ARHGAP6: variants seen among roughly 807,000 people sequenced by gnomAD.
ARHGAP6 encodes the protein rho GTPase-activating protein 6.
Under a neutral mutation model 55.7 loss-of-function variants are expected in ARHGAP6, and 16 were observed. The ratio of observed to expected loss-of-function variants is 0.29; its 90% CI spans 0.19 to 0.44. The LOEUF is 0.44. ARHGAP6 is among the 20% of genes least tolerant of loss of function. ARHGAP6 has a pLI of 1.00. For synonymous variants in ARHGAP6, 382 were observed against 360.9 expected, an observed-to-expected ratio of 1.06 and a Z score of -0.66; for missense variants, 698 against 808.9, an observed-to-expected ratio of 0.86 and a Z score of 1.66.
At chrX:11,176,315 A>ATATATG (rs1362819799) in intron 8 of ARHGAP6, among the ~76,000 whole-genome samples, 1 of 34,197 alleles carries the variant, frequency 2.9e-5, no homozygotes, top group African/African-American at 2.1e-4. Context: ...ATATATATAT[A>ATATATG]TATATATATA....
At chrX:11,502,961 T>C (rs2050695542) in intron 1 of ARHGAP6, among the ~76,000 whole-genome samples, 1 of 110,738 alleles carries the variant, frequency 9.0e-6, no homozygotes, top group Admixed American at 9.7e-5. Context: ...AGTGACGCAG[T>C]CTTGACTCAC....
chrX:11,505,860 G>C (rs913741123), intron 1 of ARHGAP6, among the ~76,000 whole-genome samples: 1 of 111,051 alleles, frequency 9.0e-6, no homozygotes, highest in Non-Finnish European at 1.9e-5. Context: ...AGAACTCATG[G>C]AGACAAAGAA....
chrX:11,227,999 A>T (rs1430398512), intron 2 of ARHGAP6, among the ~76,000 whole-genome samples: 1 of 110,627 alleles, frequency 9.0e-6, no homozygotes, highest in African/African-American at 3.3e-5. Flanking sequence ...CTTCCTCAGT[A>T]TTAACATACA....
chrX:11,451,954 C>T (rs1239271932), intron 1 of ARHGAP6, among the ~76,000 whole-genome samples: 1 of 111,919 alleles, frequency 8.9e-6, no homozygotes, highest in Non-Finnish European at 1.9e-5. Flanking sequence ...AGAAAAACCA[C>T]AATTACGTAT....
intron 1 of ARHGAP6, among the ~76,000 whole-genome samples, chrX:11,467,352 A>C (rs1791559522): frequency 9.0e-6 from 1 of 110,590 alleles, no homozygotes; most frequent in Non-Finnish European, 1.9e-5. Flanking sequence ...TGGGCAACAG[A>C]GCAAGACCCT....
chrX:11,523,991 G>A (rs1346145766), intron 1 of ARHGAP6, among the ~76,000 whole-genome samples: 1 of 111,812 alleles, frequency 8.9e-6, no homozygotes, highest in Non-Finnish European at 1.9e-5. Flanking sequence ...ATGTAAAATG[G>A]AGCTAATAAC....
intron 1 of ARHGAP6, among the ~76,000 whole-genome samples, chrX:11,528,668 A>C (rs1034724718): frequency 5.4e-5 from 6 of 111,900 alleles, no homozygotes; most frequent in African/African-American, 2.0e-4. Flanking sequence ...ATATTTCCCC[A>C]GCCCTCCTAG....
intron 1 of ARHGAP6, among the ~76,000 whole-genome samples, chrX:11,639,812 C>T (rs2052455697): frequency 9.0e-6 from 1 of 110,707 alleles, no homozygotes; most frequent in African/African-American, 3.3e-5. Context: ...AAGATAATCA[C>T]CAACCTGCTC....
chrX:11,301,207 T>G (rs1603044302), intron 1 of ARHGAP6, among the ~76,000 whole-genome samples: 1 of 111,932 alleles, frequency 8.9e-6, no homozygotes, highest in East Asian at 2.8e-4. Context: ...TAAATGAAAT[T>G]ATGTGATATG....
intron 1 of ARHGAP6, among the ~76,000 whole-genome samples, chrX:11,415,803 G>C (rs1281009772): frequency 8.9e-6 from 1 of 112,064 alleles, no homozygotes; most frequent in East Asian, 2.8e-4. Flanking sequence ...CCCCAGGATA[G>C]ATACACATGG....
chrX:11,471,218 A>G (rs995756644), intron 1 of ARHGAP6, among the ~76,000 whole-genome samples: 3 of 112,098 alleles, frequency 2.7e-5, no homozygotes, highest in East Asian at 5.6e-4. Flanking sequence ...CATCAATTTA[A>G]AAAGAATGTA....
rs1446344201 is a variant in ARHGAP6, at chrX:11,389,898, A to G, written c.589-135191T>C. ...CATGCATCCCAGTCTCTGATCTGTG[A>G]TAACAGTAATGTTAACCACTAGTCT... On this transcript the variant is annotated intron_variant, in intron 1 of 12. Coordinates refer to ENST00000337414, the MANE Select transcript of ARHGAP6 (RefSeq NM_013427.3). 9.8e-5 allele frequency among the ~76,000 whole-genome samples: 11 copies of G among 112,104 alleles called. No homozygotes were observed. The Admixed American group carries it at 1.0e-3, about 11-fold the overall frequency.
intron 9 of ARHGAP6, among the ~76,000 whole-genome samples, chrX:11,158,318 G>A (rs1278554292): frequency 9.0e-6 from 1 of 111,390 alleles, no homozygotes; most frequent in African/African-American, 3.3e-5. Flanking sequence ...GTATCCATAT[G>A]AGGCCTGATG....
At chrX:11,490,983 G>A (rs2050561340) in intron 1 of ARHGAP6, among the ~76,000 whole-genome samples, 1 of 112,155 alleles carries the variant, frequency 8.9e-6, no homozygotes, top group Admixed American at 9.4e-5. Flanking sequence ...GAATGAAGCA[G>A]TCAAGAGGTT....
chrX:11,435,480 C>A (rs747126512), intron 1 of ARHGAP6, among the ~76,000 whole-genome samples: 1 of 112,025 alleles, frequency 8.9e-6, no homozygotes, highest in Admixed American at 9.4e-5. Flanking sequence ...GTCTTCAGGA[C>A]CATGGGCATC....
intron 2 of ARHGAP6, 41 bp from the exon 3 acceptor site, chrX:11,197,037 A>T (rs746996640): frequency 8.5e-5 from 58 of 681,794 alleles, no homozygotes; most frequent in South Asian, 3.4e-4. Flanking sequence ...ATAAACATAT[A>T]AGTGATATTT....
At chrX:11,448,108 C>T (rs1386185281) in intron 1 of ARHGAP6, among the ~76,000 whole-genome samples, 2 of 112,283 alleles carry the variant, frequency 1.8e-5, no homozygotes, top group African/African-American at 3.2e-5. Context: ...GAACAGCTTT[C>T]GCCTCAAAGC....
At chrX:11,403,106 T>G (rs1041648565) in intron 1 of ARHGAP6, among the ~76,000 whole-genome samples, 1 of 111,850 alleles carries the variant, frequency 8.9e-6, no homozygotes, top group Non-Finnish European at 1.9e-5. Context: ...GCAGCTGAAT[T>G]TTACTACGAA....
At chrX:11,258,440 G>A (rs1488840895) in intron 1 of ARHGAP6, among the ~76,000 whole-genome samples, 2 of 110,198 alleles carry the variant, frequency 1.8e-5, no homozygotes, top group Admixed American at 2.0e-4. Flanking sequence ...AGGGGGAGAA[G>A]GAAGATCACC....
Sources: gnomAD v4.1 joint callset for allele counts (sites outside exome capture counted in the v4.1 genomes callset) on GRCh38, gnomAD v4.1.1 for gene constraint, MANE v1.5 for transcripts, NCBI Gene and HGNC (gene_info 2026-07-23, HGNC 2026-07-21) for gene names.